The following NREP variants were observed in gnomAD, a reference collection of about 807,000 sequenced individuals.
NREP encodes the protein neuronal regeneration related protein.
In NREP, 5 loss-of-function variants were observed where a neutral mutation model predicts 8.6. That is an observed-to-expected ratio of 0.58 (90% CI 0.30 to 1.22). The LOEUF is 1.22. NREP is among the 50% of genes most tolerant of loss of function. The pLI is 0.07. For missense variants in NREP, 86 were observed against 82.5 expected (o/e 1.04, Z -0.17); for synonymous variants, 27 against 28.0 (o/e 0.96, Z 0.11).
chr5:111,766,251 A>C (rs1751080747), intron 2 of NREP, among the ~76,000 whole-genome samples: 1 of 152,214 alleles, frequency 6.6e-6, no homozygotes, highest in African/African-American at 2.4e-5. Flanking sequence ...ACAATAAAAC[A>C]GTAAGAATTT....
chr5:111,849,747 A>G (rs1753264336), intron 2 of NREP, among the ~76,000 whole-genome samples: 1 of 152,162 alleles, frequency 6.6e-6, no homozygotes, highest in South Asian at 2.1e-4. Flanking sequence ...TGCCCAGCTG[A>G]AATATACATT....
upstream of NREP, chr5:111,757,923 G>A: frequency 1.0e-6 from 1 of 985,554 alleles, no homozygotes; most frequent in Non-Finnish European, 1.2e-6. Flanking sequence ...GAGGCGGCGC[G>A]GCCCGTACTG....
At chr5:111,847,112 CTTTT>C (rs568810532) in intron 2 of NREP, among the ~76,000 whole-genome samples, 1 of 144,728 alleles carries the variant, frequency 6.9e-6, no homozygotes. Context: ...ACATGACACA[CTTTT>C]TTTTTTTTTT....
chr5:111,744,737 T>G (rs551192797), intron 2 of NREP, among the ~76,000 whole-genome samples: 1 of 152,160 alleles, frequency 6.6e-6, no homozygotes, highest in African/African-American at 2.4e-5. Context: ...GGGCTAGTTG[T>G]CACCCAAGAA....
In NREP at chr5:111,940,533, G is replaced by A. The variant is rs73225632; in HGVS notation, c.135+34741C>T. On this transcript the variant is annotated intron_variant, in intron 2 of 3. Transcript: ENST00000395634. ...CCCATCCCTTCCAACTGGCAAAAAC[G>A]TTGGAGAGAAGAGCTAAAGTAGGCA... is the stretch of plus-strand genomic sequence containing the variant. Among the ~76,000 whole-genome samples, 622 of 152,090 alleles carry A rather than the reference G, an allele frequency of 4.1e-3. 4 individuals carry two copies. The highest frequency in any genetic ancestry group is 0.014 in the African/African-American group (595 of 41,504).
intron 2 of NREP, among the ~76,000 whole-genome samples, chr5:111,814,109 T>G (rs943748490): frequency 6.6e-6 from 1 of 152,012 alleles, no homozygotes; most frequent in Admixed American, 6.6e-5. Context: ...GCAGAAGTAT[T>G]TGTCTGGTTA....
chr5:111,748,787 C>G (rs1291090041), intron 2 of NREP, among the ~76,000 whole-genome samples: 1 of 152,142 alleles, frequency 6.6e-6, no homozygotes, highest in Non-Finnish European at 1.5e-5. Context: ...GCCTCAACTG[C>G]TACCAAAAAG....
intron 2 of NREP, among the ~76,000 whole-genome samples, chr5:111,868,963 C>T (rs1027309356): frequency 1.3e-5 from 2 of 152,058 alleles, no homozygotes; most frequent in Non-Finnish European, 2.9e-5. Flanking sequence ...CAACACCTTA[C>T]TATTTTTAAA....
intron 2 of NREP, among the ~76,000 whole-genome samples, chr5:111,882,647 C>A (rs985305998): frequency 6.6e-6 from 1 of 152,234 alleles, no homozygotes; most frequent in Non-Finnish European, 1.5e-5. Context: ...AGAAACTCTA[C>A]AAGCCAGAAA....
At chr5:111,935,274 A>G (rs760778552) in intron 2 of NREP, among the ~76,000 whole-genome samples, 1 of 152,204 alleles carries the variant, frequency 6.6e-6, no homozygotes, top group East Asian at 1.9e-4. Context: ...TGTTTACTGA[A>G]TGTAGGCAGA....
chr5:111,961,581 A>G (rs963664428), intron 2 of NREP, among the ~76,000 whole-genome samples: 3 of 152,206 alleles, frequency 2.0e-5, no homozygotes, highest in Admixed American at 2.0e-4. Context: ...ATGGTATTTT[A>G]GGATTATAAA....
chr5:111,871,058 G>GTGTGTGTC (rs2112496186), intron 2 of NREP, among the ~76,000 whole-genome samples: 1 of 138,560 alleles, frequency 7.2e-6, no homozygotes, highest in East Asian at 2.0e-4. Flanking sequence ...AATGGCGTGT[G>GTGTGTGTC]TGTGTGTGTG....
intron 2 of NREP, among the ~76,000 whole-genome samples, chr5:111,826,526 C>T (rs182099330): frequency 2.3e-4 from 35 of 152,302 alleles, no homozygotes; most frequent in African/African-American, 7.9e-4. Context: ...AAACTCCAGA[C>T]GCATCTGAAC....
chr5:111,897,139 C>A (rs552077593), intron 2 of NREP, among the ~76,000 whole-genome samples: 8 of 152,190 alleles, frequency 5.3e-5, no homozygotes, highest in South Asian at 4.1e-4. Context: ...TTTCAAGGCA[C>A]TTTTCATAAT....
chr5:111,928,277 G>A (rs1755445235), intron 2 of NREP, among the ~76,000 whole-genome samples: 1 of 152,046 alleles, frequency 6.6e-6, no homozygotes, highest in Non-Finnish European at 1.5e-5. Context: ...GTGATTTCTG[G>A]CACATAATAG....
At chr5:111,802,591 A>T (rs1752039412) in intron 2 of NREP, among the ~76,000 whole-genome samples, 1 of 152,246 alleles carries the variant, frequency 6.6e-6, no homozygotes, top group African/African-American at 2.4e-5. Context: ...TAACAAATGT[A>T]AAAAACAACA....
At chr5:111,932,992 A>G (rs914212400) in intron 2 of NREP, among the ~76,000 whole-genome samples, 8 of 152,086 alleles carry the variant, frequency 5.3e-5, no homozygotes, top group Non-Finnish European at 1.0e-4. Flanking sequence ...GCCAAGTTTG[A>G]CATGCCCAGA....
intron 2 of NREP, chr5:111,846,669 C>A (rs532897568): frequency 6.6e-6 from 1 of 151,960 alleles, no homozygotes; most frequent in African/African-American, 2.4e-5. Context: ...TTCAGTAATT[C>A]AAATTTACCT....
chr5:111,819,560 T>C (rs1187935852), intron 2 of NREP, among the ~76,000 whole-genome samples: 1 of 152,186 alleles, frequency 6.6e-6, no homozygotes, highest in Non-Finnish European at 1.5e-5. Flanking sequence ...ACATATTCTA[T>C]GAAGTTGCCA....
Sources: allele counts gnomAD v4.1 joint callset (sites outside exome capture counted in the v4.1 genomes callset), GRCh38; gene constraint gnomAD v4.1.1; transcripts MANE v1.5; gene names NCBI Gene and HGNC (gene_info 2026-07-23, HGNC 2026-07-21).